SOCS5: variants seen among roughly 807,000 people sequenced by gnomAD.
SOCS5 encodes the protein CIS-6.
Under a neutral mutation model 42.8 loss-of-function variants are expected in SOCS5, and 32 were observed. That is an observed-to-expected ratio of 0.75 (90% CI 0.56 to 1.01). The LOEUF (loss-of-function observed/expected upper bound fraction) is 1.01. Ranked by LOEUF, SOCS5 falls within the 50% of genes least tolerant of loss-of-function variation. SOCS5 has a pLI of 0.00. For missense variants in SOCS5, 627 were observed against 653.0 expected (o/e 0.96, Z 0.43); for synonymous variants, 283 against 229.6 (o/e 1.23, Z -2.10).
intron 1 of SOCS5, among the ~76,000 whole-genome samples, chr2:46,733,436 T>G (rs1004647283): frequency 7.9e-5 from 12 of 151,922 alleles, no homozygotes; most frequent in African/African-American, 2.7e-4. Flanking sequence ...TAGTTGGGTG[T>G]GGGGCCCATG....
intron 1 of SOCS5, among the ~76,000 whole-genome samples, chr2:46,749,406 G>A (rs1346526352): frequency 6.6e-6 from 1 of 152,206 alleles, no homozygotes; most frequent in African/African-American, 2.4e-5. Flanking sequence ...AACACAGCTA[G>A]TGGGAGCTTG....
chr2:46,753,094 TC>T (rs1217396313), intron 1 of SOCS5, among the ~76,000 whole-genome samples: 2 of 152,196 alleles, frequency 1.3e-5, no homozygotes, highest in African/African-American at 4.8e-5. Context: ...TTGACACACT[TC>T]CCTTCACTCA....
chr2:46,727,707 G>A (rs78446366), intron 1 of SOCS5, among the ~76,000 whole-genome samples: 14 of 152,134 alleles, frequency 9.2e-5, no homozygotes, highest in African/African-American at 3.1e-4. Flanking sequence ...TTTTTGGTTT[G>A]CTGTTTAGGT....
At chr2:46,723,653 T>G (rs1672931777) in intron 1 of SOCS5, among the ~76,000 whole-genome samples, 1 of 152,102 alleles carries the variant, frequency 6.6e-6, no homozygotes, top group South Asian at 2.1e-4. Flanking sequence ...TTTCCCTATA[T>G]TACAGAATGT....
chr2:46,734,849 G>C (rs1351220468), intron 1 of SOCS5, among the ~76,000 whole-genome samples: 1 of 152,188 alleles, frequency 6.6e-6, no homozygotes, highest in Non-Finnish European at 1.5e-5. Context: ...AGACGCTTGA[G>C]AGTCTCTCTC....
chr2:46,740,970 C>T (rs1673361236), intron 1 of SOCS5, among the ~76,000 whole-genome samples: 1 of 152,104 alleles, frequency 6.6e-6, no homozygotes, highest in South Asian at 2.1e-4. Context: ...AGTTGAAATT[C>T]ATTAGTGATA....
chr2:46,705,797 G>A (rs1198037696), intron 1 of SOCS5, among the ~76,000 whole-genome samples: 1 of 152,146 alleles, frequency 6.6e-6, no homozygotes, highest in East Asian at 1.9e-4. Flanking sequence ...AGACGGACTG[G>A]CAGTGACAGT....
At chr2:46,748,778 A>T (rs557340066) in intron 1 of SOCS5, among the ~76,000 whole-genome samples, 40 of 152,266 alleles carry the variant, frequency 2.6e-4, no homozygotes, top group African/African-American at 9.1e-4. Flanking sequence ...ATTTCTTGTG[A>T]TACTTGATCT....
intron 1 of SOCS5, among the ~76,000 whole-genome samples, chr2:46,737,904 C>G (rs1673288410): frequency 6.6e-6 from 1 of 151,280 alleles, no homozygotes; most frequent in African/African-American, 2.4e-5. Context: ...CTCCTATGTG[C>G]TTTGGGTTTT....
intron 1 of SOCS5, among the ~76,000 whole-genome samples, chr2:46,707,941 A>G (rs575969728): frequency 4.6e-5 from 7 of 152,360 alleles, no homozygotes; most frequent in Admixed American, 4.6e-4. Flanking sequence ...AAATCATCTA[A>G]CACGAAGTCT....
At chr2:46,735,081 C>CATTA (rs941670444) in intron 1 of SOCS5, among the ~76,000 whole-genome samples, 1 of 152,178 alleles carries the variant, frequency 6.6e-6, no homozygotes, top group Non-Finnish European at 1.5e-5. Context: ...TGATCCCCTG[C>CATTA]ATTAGTTAGG....
intron 1 of SOCS5, among the ~76,000 whole-genome samples, chr2:46,717,251 T>C (rs1482657559): frequency 1.3e-5 from 2 of 152,208 alleles, no homozygotes; most frequent in African/African-American, 4.8e-5. Flanking sequence ...CTACTGACTC[T>C]ATTTGGCTTC....
chr2:46,710,686 T>C (rs2103696260), intron 1 of SOCS5, among the ~76,000 whole-genome samples: 2 of 152,310 alleles, frequency 1.3e-5, no homozygotes, highest in South Asian at 4.2e-4. Flanking sequence ...CTGAGTTCTT[T>C]CTACACTAAA....
intron 1 of SOCS5, among the ~76,000 whole-genome samples, chr2:46,725,680 T>C (rs1016889843): frequency 6.6e-6 from 1 of 152,184 alleles, no homozygotes; most frequent in African/African-American, 2.4e-5. Context: ...TTTTTTGTTT[T>C]TTTAAACCTC....
chr2:46,738,632 A>G (rs1673304680), intron 1 of SOCS5, among the ~76,000 whole-genome samples: 1 of 152,204 alleles, frequency 6.6e-6, no homozygotes, highest in Non-Finnish European at 1.5e-5. Flanking sequence ...TTTCCCATAC[A>G]CATCCAGTTG....
At chr2:46,716,581 C>T (rs940569067) in intron 1 of SOCS5, among the ~76,000 whole-genome samples, 1 of 151,956 alleles carries the variant, frequency 6.6e-6, no homozygotes, top group African/African-American at 2.4e-5. Context: ...GGGCTCAAGA[C>T]ATCCTCCTGC....
At chr2:46,720,569 T>C (rs535248133) in intron 1 of SOCS5, among the ~76,000 whole-genome samples, 3 of 152,340 alleles carry the variant, frequency 2.0e-5, no homozygotes, top group East Asian at 3.8e-4. Context: ...AAAATCCAGG[T>C]AGCAAATTTA....
intron 1 of SOCS5, among the ~76,000 whole-genome samples, chr2:46,713,521 C>G (rs552101023): frequency 7.8e-4 from 118 of 152,014 alleles, no homozygotes; most frequent in South Asian, 1.7e-3. Context: ...TTCTTTTATT[C>G]TTGAGATTGG....
intron 1 of SOCS5, among the ~76,000 whole-genome samples, chr2:46,715,320 C>G (rs1474796576): frequency 6.7e-6 from 1 of 150,234 alleles, no homozygotes; most frequent in Non-Finnish European, 1.5e-5. Context: ...TGCAGTGAGC[C>G]TAGATCATGC....
Sources: gnomAD v4.1 joint callset for allele counts (sites outside exome capture counted in the v4.1 genomes callset) on GRCh38, gnomAD v4.1.1 for gene constraint, MANE v1.5 for transcripts, NCBI Gene and HGNC (gene_info 2026-07-23, HGNC 2026-07-21) for gene names.